SAP30BP: variants seen among roughly 807,000 people sequenced by gnomAD.
The protein encoded by SAP30BP is SAP30-binding protein.
In SAP30BP, 31 loss-of-function variants were observed where a neutral mutation model predicts 46.3. The ratio of observed to expected loss-of-function variants is 0.67; its 90% CI spans 0.50 to 0.90. SAP30BP has a LOEUF of 0.90. Among genes scored for constraint, SAP30BP ranks in the 40% least tolerant of loss-of-function variants. The pLI, the probability that SAP30BP is intolerant of heterozygous loss-of-function variation, is 0.00. For missense variants in SAP30BP, 312 were observed against 391.0 expected, an observed-to-expected ratio of 0.80 and a Z score of 1.70; for synonymous variants, 169 against 144.2, an observed-to-expected ratio of 1.17 and a Z score of -1.23.
At chr17:75,693,188 G>T in intron 3 of SAP30BP, 1 of 484,978 alleles carries the variant, frequency 2.1e-6, no homozygotes. Context: ...AGCGATGGTG[G>T]GTTTGGTCAC....
chr17:75,680,138 C>A (rs1018716097), intron 3 of SAP30BP, among the ~76,000 whole-genome samples: 8 of 152,092 alleles, frequency 5.3e-5, no homozygotes, highest in African/African-American at 1.9e-4. Flanking sequence ...GGATCGCCGG[C>A]CTCCCTGAGG....
At chr17:75,673,154 C>T (rs569460476) in intron 3 of SAP30BP, among the ~76,000 whole-genome samples, 2 of 152,074 alleles carry the variant, frequency 1.3e-5, no homozygotes, top group South Asian at 2.1e-4. Context: ...AATCTTGAGA[C>T]GTTGTGAGTG....
chr17:75,693,396 A>G, intron 3 of SAP30BP, 44 bp from the exon 4 acceptor site: 1 of 1,566,366 alleles, frequency 6.4e-7, no homozygotes, highest in East Asian at 2.2e-5. Flanking sequence ...TAGCTGGTTC[A>G]GGAGCCCCAG....
At chr17:75,686,249 GGC>G (rs1261905050) in intron 3 of SAP30BP, among the ~76,000 whole-genome samples, 1 of 151,976 alleles carries the variant, frequency 6.6e-6, no homozygotes, top group African/African-American at 2.4e-5. Context: ...CGGGCGCAGT[GGC>G]TCACGCCTGT....
chr17:75,692,346 T>C (rs1217168271), intron 3 of SAP30BP: 7 of 985,332 alleles, frequency 7.1e-6, no homozygotes, highest in African/African-American at 5.2e-5. Flanking sequence ...AAAGGTCTTG[T>C]TGCAGGGTCT....
chr17:75,680,270 T>TG (rs1418712478), intron 3 of SAP30BP, among the ~76,000 whole-genome samples: 1 of 151,998 alleles, frequency 6.6e-6, no homozygotes, highest in Non-Finnish European at 1.5e-5. Flanking sequence ...TGGCATCAGG[T>TG]GGGGGTTGGG....
At position 75,693,490 on chromosome 17, in the gene SAP30BP, T is replaced by G; in HGVS notation, c.307+8T>G. On this transcript the variant is annotated splice_region_variant and intron_variant, in intron 4 of 10. Coordinates refer to ENST00000584667, the MANE Select transcript of SAP30BP (RefSeq NM_013260.8). ...ACCCCCAGGAACTCGTGGGTGAGTA[T>G]TGGGGGATCCTGGGGGCACGTTTCT... The G allele has an allele frequency of 6.2e-7, 1 of 1,613,432 alleles. No individual in the cohort carries two copies. The highest frequency in any genetic ancestry group is 8.5e-7 in the Non-Finnish European group (1 of 1,179,580).
chr17:75,690,421 CTG>C (rs754775615), intron 3 of SAP30BP, among the ~76,000 whole-genome samples: 1 of 152,170 alleles, frequency 6.6e-6, no homozygotes, highest in South Asian at 2.1e-4. Context: ...CAGGGTCTCC[CTG>C]TGTCACCCAG....
At chr17:75,671,719 G>A in intron 2 of SAP30BP, 97 bp from the exon 3 acceptor site, 4 of 892,018 alleles carry the variant, frequency 4.5e-6, no homozygotes, top group Non-Finnish European at 7.6e-6. Context: ...GACCCCAGCT[G>A]GGTAAATGGG....
intron 1 of SAP30BP, chr17:75,668,268 A>G (rs2059837597): frequency 4.4e-6 from 2 of 454,514 alleles, no homozygotes; most frequent in East Asian, 3.9e-5. Context: ...TCTAGTGTTT[A>G]TAGCATTAGA....
At chr17:75,679,220 T>C (rs936849118) in intron 3 of SAP30BP, among the ~76,000 whole-genome samples, 3 of 152,004 alleles carry the variant, frequency 2.0e-5, no homozygotes, top group Admixed American at 1.3e-4. Flanking sequence ...ATGGTCTCGA[T>C]CTCCTGACCT....
At chr17:75,671,312 G>A (rs1013126763) in intron 2 of SAP30BP, among the ~76,000 whole-genome samples, 1 of 152,174 alleles carries the variant, frequency 6.6e-6, no homozygotes, top group Non-Finnish European at 1.5e-5. Context: ...GCCGGTTGAG[G>A]TGCTGCGATA....
chr17:75,674,865 A>C (rs2059966744), intron 3 of SAP30BP, among the ~76,000 whole-genome samples: 1 of 149,994 alleles, frequency 6.7e-6, no homozygotes, highest in African/African-American at 2.5e-5. Context: ...CACACCTAGC[A>C]ATTTTTTTTA....
intron 9 of SAP30BP, chr17:75,705,034 G>A: frequency 3.7e-6 from 2 of 541,078 alleles, no homozygotes; most frequent in Non-Finnish European, 6.7e-6. Context: ...TTGCTACATT[G>A]TGCCCCCCTT....
intron 4 of SAP30BP, among the ~76,000 whole-genome samples, chr17:75,695,734 C>T (rs898098428): frequency 9.9e-5 from 15 of 152,142 alleles, no homozygotes; most frequent in African/African-American, 3.1e-4. Flanking sequence ...TGTGTCCATG[C>T]ATGTAGACAG....
Position 75,703,363 on chromosome 17 carries a change from T to C in SAP30BP, c.541T>C (p.Tyr181His). 1 of 1,613,918 alleles carries C rather than the reference T, an allele frequency of 6.2e-7. No individual in the cohort carries two copies. The highest frequency in any genetic ancestry group is 8.5e-7 in the Non-Finnish European group (1 of 1,179,866). ...FCAIDELGTNYPKDMFDPHGW... is the reference protein window; with the variant it reads ...FCAIDELGTNHPKDMFDPHGW... ...TGCCATTGACGAGCTTGGCACCAAC[T>C]ACCCAAAGGTGCGTCTGGCACACGG... is the stretch of plus-strand genomic sequence containing the variant. The change falls in exon 7 of 11, where the codon TAC (tyrosine) becomes CAC (histidine). Residue 181 changes from tyrosine to histidine, a missense_variant. Around this residue, in one of 2 missense-constraint regions of SAP30BP, gnomAD observed 296 missense variants for 346.6 expected, o/e 0.85. Coordinates refer to ENST00000584667, the MANE Select transcript of SAP30BP (RefSeq NM_013260.8).
In SAP30BP at chr17:75,706,578, G is replaced by T. The variant is rs913574203; in HGVS notation, c.*57G>T. On this transcript the variant is annotated 3_prime_UTR_variant, in exon 11 of 11. Coordinates refer to ENST00000584667, the MANE Select transcript of SAP30BP (RefSeq NM_013260.8). This position sits in a 1 kb window ranked among gnomAD's most constrained non-coding sequence, Gnocchi z 4.6. ...CGTGCAGCCCAGTGACCACTGCCCA[G>T]TGGGAGGCGCCACTTTGTATATTTC... 3 of 1,500,128 alleles carry T rather than the reference G, an allele frequency of 2.0e-6. No individual in the cohort carries two copies. In the African/African-American group the frequency reaches 4.2e-5, roughly 21 times the overall value. The allele number at this position is 1,500,128 out of a possible 1,614,324, so 92.9% of individuals were successfully genotyped here. A position where few individuals can be genotyped will look rare whatever the true frequency, so the allele number is the denominator to read the frequency against.
chr17:75,679,304 A>G (rs2060041229), intron 3 of SAP30BP, among the ~76,000 whole-genome samples: 1 of 152,096 alleles, frequency 6.6e-6, no homozygotes, highest in African/African-American at 2.4e-5. Flanking sequence ...CCTTCAGGCA[A>G]GTTGTAAGAA....
chr17:75,699,892 C>T (rs768566621), intron 5 of SAP30BP, 21 bp downstream of exon 5: 23 of 1,565,016 alleles, frequency 1.5e-5, no homozygotes, highest in Non-Finnish European at 2.0e-5. Flanking sequence ...GACTCGGCTA[C>T]TGAGGTCGGA....
Sources: gnomAD v4.1 joint callset for allele counts (sites outside exome capture counted in the v4.1 genomes callset) on GRCh38, gnomAD v4.1.1 for gene constraint, gnomAD v4.1.1 regional missense constraint, Gnocchi (gnomAD v3.1) non-coding constraint, MANE v1.5 for transcripts, NCBI Gene and HGNC (gene_info 2026-07-23, HGNC 2026-07-21) for gene names.